Variants in CAMTA1 observed in about 807,000 individuals in gnomAD.
CAMTA1 encodes the protein calmodulin-binding transcription activator 1.
CAMTA1 carries 27 observed loss-of-function variants against 170.9 expected under a neutral mutation model. The observed-to-expected ratio is 0.16, with a 90% CI of 0.12 to 0.22. CAMTA1 has a LOEUF of 0.22. Among genes scored for constraint, CAMTA1 ranks in the 10% least tolerant of loss-of-function variants. The pLI, the probability that CAMTA1 is intolerant of heterozygous loss-of-function variation, is 1.00. For missense variants in CAMTA1, 1,619 were observed against 2,217.2 expected (o/e 0.73, Z 5.42); for synonymous variants, 833 against 891.5 (o/e 0.93, Z 1.17).
chr1:7,209,019 G>A (rs529558801), intron 4 of CAMTA1, among the ~76,000 whole-genome samples: 15 of 152,256 alleles, frequency 9.9e-5, no homozygotes, highest in South Asian at 2.1e-4. Context: ...CCATGATACC[G>A]AAATAGCCTT....
intron 4 of CAMTA1, among the ~76,000 whole-genome samples, chr1:7,139,248 A>ATTT (rs1339500416): frequency 1.4e-5 from 2 of 143,946 alleles, no homozygotes; most frequent in Non-Finnish European, 3.0e-5. Flanking sequence ...TTATATTTAT[A>ATTT]ATTATAAAAT....
chr1:7,298,801 G>A (rs1339836411), intron 5 of CAMTA1, among the ~76,000 whole-genome samples: 6 of 152,172 alleles, frequency 3.9e-5, no homozygotes, highest in Non-Finnish European at 5.9e-5. Context: ...CGCACTCAGG[G>A]ACCATTTCAG....
At position 7,249,419 on chromosome 1, in the gene CAMTA1, C is replaced by G; in HGVS notation, c.303-72C>G. 1 of 1,393,756 alleles carries G rather than the reference C, an allele frequency of 7.2e-7. No individual in the cohort carries two copies. 86.3% of individuals were successfully genotyped at this position (1,393,756 alleles called of 1,614,324 possible). On this transcript the variant is annotated intron_variant, in intron 4 of 22. Coordinates refer to ENST00000303635, the MANE Select transcript of CAMTA1 (RefSeq NM_015215.4). The surrounding 1 kb of genome is among the most constrained non-coding windows in gnomAD (Gnocchi z 4.4). Reference sequence around the variant, plus strand: ...CTTTTCTGTAGAGACTTTTACTGGTCGATGATATCTTTCTTCATAAATTTT... The same window carrying G: ...CTTTTCTGTAGAGACTTTTACTGGTGGATGATATCTTTCTTCATAAATTTT...
At chr1:6,796,340 G>T (rs1275591281) in intron 1 of CAMTA1, among the ~76,000 whole-genome samples, 2 of 151,792 alleles carry the variant, frequency 1.3e-5, no homozygotes, top group Non-Finnish European at 2.9e-5. Flanking sequence ...GTTTCGCCGT[G>T]TTGCCCAGGC....
intron 6 of CAMTA1, among the ~76,000 whole-genome samples, chr1:7,623,415 G>C (rs1490016466): frequency 6.6e-6 from 1 of 152,198 alleles, no homozygotes. Flanking sequence ...GAGTGGGTGA[G>C]CTGGGACCCC....
At chr1:6,894,057 T>G (rs1675138073) in intron 3 of CAMTA1, among the ~76,000 whole-genome samples, 1 of 152,252 alleles carries the variant, frequency 6.6e-6, no homozygotes, top group South Asian at 2.1e-4. Flanking sequence ...AAATGAAGAT[T>G]GATGCTTTCA....
intron 3 of CAMTA1, among the ~76,000 whole-genome samples, chr1:7,011,655 C>G (rs991571945): frequency 6.6e-6 from 1 of 152,186 alleles, no homozygotes; most frequent in Non-Finnish European, 1.5e-5. Flanking sequence ...CTACTTCCTT[C>G]ATGACGTTTA....
At chr1:7,458,505 A>C (rs2093012428) in intron 5 of CAMTA1, among the ~76,000 whole-genome samples, 1 of 151,510 alleles carries the variant, frequency 6.6e-6, no homozygotes. Flanking sequence ...CAGAATGCCA[A>C]GCCAAGGGAC....
chr1:7,068,646 T>G (rs1190404523), intron 3 of CAMTA1, among the ~76,000 whole-genome samples: 3 of 151,992 alleles, frequency 2.0e-5, no homozygotes, highest in Admixed American at 2.0e-4. Flanking sequence ...AAAAGGCACT[T>G]TATTGGGATT....
At chr1:7,304,711 T>C (rs1675319155) in intron 5 of CAMTA1, among the ~76,000 whole-genome samples, 1 of 151,984 alleles carries the variant, frequency 6.6e-6, no homozygotes, top group African/African-American at 2.4e-5. Context: ...TGCAAATCTT[T>C]GTATTAGATT....
chr1:7,508,904 A>C (rs901353983), intron 6 of CAMTA1, among the ~76,000 whole-genome samples: 10 of 152,314 alleles, frequency 6.6e-5, no homozygotes, highest in Admixed American at 4.6e-4. Context: ...CAACTCACTC[A>C]GCTAATGAGG....
Position 7,561,385 on chromosome 1 carries a change from A to G in CAMTA1, c.511-79015A>G, listed in dbSNP as rs935402912. Reference sequence around the variant, plus strand: ...AGAGAGGCCGGCGGGCAGCAGGCCAATGGGCCAGGCAGGTGGGGCAGGAGC... The same window carrying G: ...AGAGAGGCCGGCGGGCAGCAGGCCAGTGGGCCAGGCAGGTGGGGCAGGAGC... On this transcript the variant is annotated intron_variant, in intron 6 of 22. Transcript: ENST00000303635. This position sits in a 1 kb window ranked among gnomAD's most constrained non-coding sequence, Gnocchi z 5.3. Among the ~76,000 whole-genome samples the G allele has an allele frequency of 1.3e-5, 2 of 151,794 alleles. No homozygotes were observed. The highest frequency in any genetic ancestry group is 4.8e-5 in the African/African-American group (2 of 41,346).
At chr1:6,978,266 T>C (rs1205513557) in intron 3 of CAMTA1, among the ~76,000 whole-genome samples, 1 of 152,164 alleles carries the variant, frequency 6.6e-6, no homozygotes, top group Non-Finnish European at 1.5e-5. Flanking sequence ...CTTGAGGGGA[T>C]GGATTCCTCA....
At chr1:7,281,236 T>C (rs908909888) in intron 5 of CAMTA1, among the ~76,000 whole-genome samples, 1 of 152,240 alleles carries the variant, frequency 6.6e-6, no homozygotes, top group African/African-American at 2.4e-5. Context: ...ACTGGCAGAA[T>C]ATTAATTCTG....
chr1:7,403,369 A>T (rs951427202), intron 5 of CAMTA1, among the ~76,000 whole-genome samples: 1 of 152,088 alleles, frequency 6.6e-6, no homozygotes, highest in African/African-American at 2.4e-5. Flanking sequence ...AAAGAAAATG[A>T]TATTAATCCC....
At chr1:7,177,215 A>T (rs1213401125) in intron 4 of CAMTA1, among the ~76,000 whole-genome samples, 3 of 148,764 alleles carry the variant, frequency 2.0e-5, no homozygotes, top group Non-Finnish European at 4.5e-5. Context: ...TCCTCCCCAC[A>T]CAGTGAGGCA....
intron 4 of CAMTA1, among the ~76,000 whole-genome samples, chr1:7,188,459 C>T (rs1197245666): frequency 2.0e-5 from 3 of 152,176 alleles, no homozygotes; most frequent in Admixed American, 1.3e-4. Flanking sequence ...ACCCATTAAA[C>T]AGTAACTCCC....
chr1:7,089,586 A>G (rs1299640272), intron 3 of CAMTA1, among the ~76,000 whole-genome samples: 1 of 88,914 alleles, frequency 1.1e-5, no homozygotes, highest in African/African-American at 4.5e-5. Context: ...ATCCCATCCC[A>G]TCCATCCGGC....
intron 5 of CAMTA1, among the ~76,000 whole-genome samples, chr1:7,269,837 T>G (rs1441103223): frequency 6.6e-6 from 1 of 152,084 alleles, no homozygotes; most frequent in Middle Eastern, 3.2e-3. Flanking sequence ...TTTCCAAATG[T>G]GATGAAACTA....
Sources: gnomAD v4.1 joint callset for allele counts (sites outside exome capture counted in the v4.1 genomes callset) on GRCh38, gnomAD v4.1.1 for gene constraint, Gnocchi (gnomAD v3.1) non-coding constraint, MANE v1.5 for transcripts, NCBI Gene and HGNC (gene_info 2026-07-23, HGNC 2026-07-21) for gene names.